The following CD6 variants were observed in gnomAD, a reference collection of about 807,000 sequenced individuals.
CD6 encodes the protein CD6 molecule.
CD6 carries 53 observed loss-of-function variants against 75.3 expected under a neutral mutation model. That is an observed-to-expected ratio of 0.70 (90% CI 0.56 to 0.88). The LOEUF (loss-of-function observed/expected upper bound fraction) is 0.88. Among genes scored for constraint, CD6 ranks in the 40% least tolerant of loss-of-function variants. The pLI is 0.00. For missense variants in CD6, 770 were observed against 897.1 expected (o/e 0.86, Z 1.81); for synonymous variants, 359 against 381.5 (o/e 0.94, Z 0.69).
At chr11:60,985,049 C>G (rs1434289681) in intron 1 of CD6, 1 of 151,524 alleles carries the variant, frequency 6.6e-6, no homozygotes, top group African/African-American at 2.4e-5. Context: ...TCCTTTTTTT[C>G]TTTTTTTAAA....
intron 1 of CD6, among the ~76,000 whole-genome samples, chr11:61,006,287 G>T (rs1438508082): frequency 6.6e-6 from 1 of 152,192 alleles, no homozygotes; most frequent in African/African-American, 2.4e-5. Context: ...AAGCCACTTT[G>T]TGTGTCTGGC....
At chr11:61,018,504 G>GGAAAAGGAGAAAGGAAGCT in intron 12 of CD6, 111 bp downstream of exon 12, 1 of 851,832 alleles carries the variant, frequency 1.2e-6, no homozygotes, top group Non-Finnish European at 1.8e-6. Context: ...GAAAGGAAGG[G>GGAAAAGGAGAAAGGAAGCT]TAAAAGAAGA....
Position 61,020,049 on chromosome 11 carries a change from G to A in CD6, c.*731G>A. 1 of 397,932 alleles carries A rather than the reference G, an allele frequency of 2.5e-6. No homozygotes were observed. The highest frequency in any genetic ancestry group is 4.4e-6 in the Non-Finnish European group (1 of 226,042). 24.7% of individuals were successfully genotyped at this position (397,932 alleles called of 1,614,324 possible). ...TGCAGTGACTGTCCCTGGACAATGG[G>A]TCTTTATTCTGAGTTTCCTATGGTT... On this transcript the variant is annotated 3_prime_UTR_variant, in exon 13 of 13. Coordinates refer to ENST00000313421, the MANE Select transcript of CD6 (RefSeq NM_006725.5).
rs536765881 is a variant in CD6 at position 61,007,886 on chromosome 11, A to T, written c.445A>T (p.Arg149Trp). 1.7e-4 allele frequency: 238 copies of T among 1,372,600 alleles called. 2 individuals are homozygous for T. In the South Asian group the frequency reaches 3.8e-3, roughly 22 times the overall value. The allele number at this position is 1,372,600 out of a possible 1,614,324, so 85.0% of individuals were successfully genotyped here. ...VVEHACRSDGRRARVTCAENR... is the reference protein window; with the variant it reads ...VVEHACRSDGWRARVTCAENR... ...GGAGCACGCGTGCCGCAGCGACGGG[A>T]GGCGGGCCCGTGTCACCTGTGCAGG... is the stretch of plus-strand genomic sequence containing the variant. Residue 149 changes from arginine to tryptophan, a missense_variant, in exon 3 of 13, where the codon AGG becomes TGG. By Grantham distance (101) the Arg-to-Trp change is moderately radical. Coordinates refer to ENST00000313421, the MANE Select transcript of CD6 (RefSeq NM_006725.5). The surrounding 1 kb of genome is among the most constrained non-coding windows in gnomAD (Gnocchi z 4.2).
At chr11:60,985,103 C>T (rs758019301) in intron 1 of CD6, 2 of 150,552 alleles carry the variant, frequency 1.3e-5, no homozygotes, top group East Asian at 1.9e-4. Flanking sequence ...CATACCTGTA[C>T]AGGGGTCATT....
chr11:61,018,483 G>A (rs1859531250), intron 12 of CD6, 90 bp downstream of exon 12: 1 of 989,406 alleles, frequency 1.0e-6, no homozygotes, highest in Admixed American at 2.4e-5. Flanking sequence ...ATTCGCTCAA[G>A]GGGAAAAGGA....
At chr11:60,999,562 G>T (rs552682333) in intron 1 of CD6, among the ~76,000 whole-genome samples, 12 of 151,972 alleles carry the variant, frequency 7.9e-5, no homozygotes, top group African/African-American at 2.9e-4. Flanking sequence ...TTCTGCTTCT[G>T]CCACTTAACA....
At chr11:61,018,222 C>A in intron 11 of CD6, 67 bp from the exon 12 acceptor site, 3 of 1,420,158 alleles carry the variant, frequency 2.1e-6, no homozygotes, top group Non-Finnish European at 2.9e-6. Flanking sequence ...ACGTGGGCCC[C>A]CCAGCTCTGG....
chr11:60,985,432 G>A (rs1275230828), intron 1 of CD6, among the ~76,000 whole-genome samples: 3 of 151,952 alleles, frequency 2.0e-5, no homozygotes, highest in African/African-American at 4.8e-5. Context: ...TGATCTGCCC[G>A]TCTCAGCCTC....
chr11:61,013,628 C>G (rs940242501), intron 7 of CD6, 65 bp downstream of exon 7: 2 of 1,567,392 alleles, frequency 1.3e-6, no homozygotes, highest in African/African-American at 2.7e-5. Context: ...AGAACCCCAG[C>G]AGCAGTGGCG....
intron 6 of CD6, among the ~76,000 whole-genome samples, chr11:61,012,602 C>G (rs536411869): frequency 6.6e-6 from 1 of 152,190 alleles, no homozygotes; most frequent in Non-Finnish European, 1.5e-5. Flanking sequence ...TCTCCCTCCC[C>G]GTTGCTGTCA....
intron 1 of CD6, among the ~76,000 whole-genome samples, chr11:60,997,222 A>T (rs1026289325): frequency 3.9e-5 from 6 of 151,950 alleles, no homozygotes; most frequent in Non-Finnish European, 8.8e-5. Context: ...CTAAAAGTAT[A>T]AAAAAAGTAG....
In CD6 at chr11:61,011,087, A is replaced by C; in HGVS notation, c.1102A>C (p.Asn368His). 4 of 1,614,078 alleles carry C rather than the reference A, an allele frequency of 2.5e-6. No individual in the cohort carries two copies. Among genetic ancestry groups the C allele is most frequent in the Middle Eastern group, 1.6e-4 (1 of 6,062 alleles). Residue 368 changes from asparagine (N) to histidine (H), a missense_variant, in exon 6 of 13, where the codon AAT becomes CAT. Transcript: ENST00000313421. Reference protein sequence around the residue: ...VLCSASRSLHNLSTPEVPASV... With the variant: ...VLCSASRSLHHLSTPEVPASV... ...TCTGACAGCTTCCCGGAGTTTGCAC[A>C]ATCTGTCCACTCCCGAAGTCCCTGC...
intron 1 of CD6, among the ~76,000 whole-genome samples, chr11:60,999,430 TGGGAGATTGTACTCG>T (rs1430373643): frequency 1.3e-5 from 2 of 150,680 alleles, no homozygotes; most frequent in Admixed American, 1.3e-4. Flanking sequence ...GAGGACAGAA[TGGGAGATTGTACTCG>T]GGCTCTCTGT....
intron 1 of CD6, among the ~76,000 whole-genome samples, chr11:61,003,554 A>T (rs1858698819): frequency 6.6e-6 from 1 of 152,030 alleles, no homozygotes; most frequent in Admixed American, 6.6e-5. Flanking sequence ...GCAACATGGG[A>T]AAACCCCGTC....
chr11:61,017,234 G>C, intron 9 of CD6: 1 of 534,322 alleles, frequency 1.9e-6, no homozygotes, highest in Non-Finnish European at 3.4e-6. Context: ...GGACAGCTGG[G>C]GCTGGGGGCT....
At chr11:61,019,091 C>T (rs1176627340) in intron 12 of CD6, 163 bp from the exon 13 acceptor site, 1 of 600,242 alleles carries the variant, frequency 1.7e-6, no homozygotes, top group African/African-American at 1.8e-5. Context: ...TCCCTCAGTG[C>T]TGATGTTCTA....
intron 1 of CD6, among the ~76,000 whole-genome samples, chr11:61,000,181 C>A (rs1858512681): frequency 6.6e-6 from 1 of 152,154 alleles, no homozygotes; most frequent in African/African-American, 2.4e-5. Context: ...GGACTTTAGT[C>A]TCCAGGCAGT....
chr11:60,989,836 G>A (rs2135064824), intron 1 of CD6, among the ~76,000 whole-genome samples: 1 of 152,210 alleles, frequency 6.6e-6, no homozygotes, highest in East Asian at 1.9e-4. Context: ...GCACGATAGT[G>A]ATAATAACAG....
Sources: allele counts gnomAD v4.1 joint callset (sites outside exome capture counted in the v4.1 genomes callset), GRCh38; gene constraint gnomAD v4.1.1; non-coding constraint Gnocchi (gnomAD v3.1); transcripts MANE v1.5; gene names NCBI Gene and HGNC (gene_info 2026-07-23, HGNC 2026-07-21).